The following PPFIA2 variants were observed in gnomAD, a reference collection of about 807,000 sequenced individuals.
PPFIA2 encodes liprin-alpha-2.
PPFIA2 carries 46 observed loss-of-function variants against 175.5 expected under a neutral mutation model. That is an observed-to-expected ratio of 0.26 (90% CI 0.21 to 0.34). The LOEUF is 0.34. Ranked by LOEUF, PPFIA2 falls within the 10% of genes least tolerant of loss-of-function variation. The pLI is 1.00. For synonymous variants in PPFIA2, 568 were observed against 511.4 expected (o/e 1.11, Z -1.49); for missense variants, 1,179 against 1,506.1 (o/e 0.78, Z 3.60).
chr12:81,457,163 T>C (rs2053718255), intron 5 of PPFIA2, among the ~76,000 whole-genome samples: 1 of 152,018 alleles, frequency 6.6e-6, no homozygotes, highest in African/African-American at 2.4e-5. Context: ...TTTGTATTTA[T>C]AGTAGAAATG....
chr12:81,592,971 T>A (rs2058841762), intron 4 of PPFIA2, among the ~76,000 whole-genome samples: 1 of 151,980 alleles, frequency 6.6e-6, no homozygotes, highest in South Asian at 2.1e-4. Flanking sequence ...TTGCCTAAGC[T>A]GGTCTTGAAC....
intron 4 of PPFIA2, among the ~76,000 whole-genome samples, chr12:81,566,236 C>T (rs899220741): frequency 4.6e-5 from 7 of 151,938 alleles, no homozygotes; most frequent in African/African-American, 1.4e-4. Context: ...AGTACATGTA[C>T]GTTTTGGCCG....
intron 9 of PPFIA2, 46 bp from the exon 10 acceptor site, chr12:81,375,988 G>T: frequency 6.6e-7 from 1 of 1,512,820 alleles, no homozygotes; most frequent in Non-Finnish European, 9.1e-7. Flanking sequence ...TTCTCAGATT[G>T]TTTAATTATT....
intron 3 of PPFIA2, among the ~76,000 whole-genome samples, chr12:81,716,433 C>T (rs1012494850): frequency 6.6e-6 from 1 of 151,568 alleles, no homozygotes; most frequent in African/African-American, 2.4e-5. Flanking sequence ...AATTGCCAAA[C>T]AGTCCATAAA....
intron 4 of PPFIA2, among the ~76,000 whole-genome samples, chr12:81,628,367 T>G (rs932187751): frequency 1.4e-5 from 2 of 146,662 alleles, no homozygotes; most frequent in African/African-American, 4.9e-5. Flanking sequence ...ACAATCCACT[T>G]TCTTTTACCT....
Position 81,305,582 on chromosome 12 carries a change from C to T in PPFIA2, c.2643-6200G>A, listed in dbSNP as rs746397504. On this transcript the variant is annotated intron_variant, in intron 22 of 32. Coordinates refer to ENST00000549396, the MANE Select transcript of PPFIA2 (RefSeq NM_003625.5). Reference sequence around the variant, plus strand: ...ACCTCTTCTGTTCTACTGACTTTCTCTCCATTTGGAATGGCCTTTCCTCAA... The same window carrying T: ...ACCTCTTCTGTTCTACTGACTTTCTTTCCATTTGGAATGGCCTTTCCTCAA... 2.6e-5 allele frequency among the ~76,000 whole-genome samples: 4 copies of T among 152,290 alleles called. No individual in the cohort carries two copies. In the South Asian group the frequency reaches 8.3e-4, roughly 32 times the overall value.
At chr12:81,548,505 A>G (rs955251498) in intron 4 of PPFIA2, among the ~76,000 whole-genome samples, 1 of 152,090 alleles carries the variant, frequency 6.6e-6, no homozygotes, top group Non-Finnish European at 1.5e-5. Context: ...TTTCCTTTAT[A>G]TGTTTTTCTA....
At chr12:81,489,044 A>G (rs1230726155) in intron 4 of PPFIA2, among the ~76,000 whole-genome samples, 1 of 151,858 alleles carries the variant, frequency 6.6e-6, no homozygotes, top group Non-Finnish European at 1.5e-5. Flanking sequence ...CTTTTCTTGG[A>G]CCAGATATAC....
intron 24 of PPFIA2, among the ~76,000 whole-genome samples, chr12:81,287,889 T>C (rs887231779): frequency 4.0e-5 from 6 of 151,856 alleles, no homozygotes; most frequent in Admixed American, 3.9e-4. Flanking sequence ...AAGAAACAAA[T>C]ATTGTATAAC....
At chr12:81,286,946 T>A (rs934600533) in intron 24 of PPFIA2, among the ~76,000 whole-genome samples, 1 of 152,026 alleles carries the variant, frequency 6.6e-6, no homozygotes, top group African/African-American at 2.4e-5. Context: ...CTAACAATGA[T>A]GCTCATTATA....
At chr12:81,349,582 A>C (rs1222307016) in intron 17 of PPFIA2, among the ~76,000 whole-genome samples, 1 of 152,168 alleles carries the variant, frequency 6.6e-6, no homozygotes, top group Non-Finnish European at 1.5e-5. Flanking sequence ...AAATGTAAAA[A>C]AAAGAAGACA....
chr12:81,426,720 T>G (rs2047199934), intron 7 of PPFIA2, among the ~76,000 whole-genome samples: 1 of 152,114 alleles, frequency 6.6e-6, no homozygotes, highest in African/African-American at 2.4e-5. Flanking sequence ...ATTTGGAACT[T>G]CCACAGTTTT....
rs76961882 is a variant in PPFIA2, at chr12:81,560,401, T to C, written c.304-102535A>G. Among the ~76,000 whole-genome samples, 421 of 152,308 alleles carry C rather than the reference T, an allele frequency of 2.8e-3. 15 individuals are homozygous for C. In the East Asian group the frequency reaches 0.073, roughly 26 times the overall value. On this transcript the variant is annotated intron_variant, in intron 4 of 32. Transcript: ENST00000549396. ...GAAGGTAATCATATGTCATTAGTTT[T>C]ACATTCTTACATGACCTCACCATCT...
intron 4 of PPFIA2, chr12:81,598,366 G>A (rs1198540354): frequency 3.2e-5 from 35 of 1,095,072 alleles, no homozygotes; most frequent in Non-Finnish European, 3.7e-5. Flanking sequence ...CTGCCCATCT[G>A]TTCTCAGTGA....
intron 4 of PPFIA2, among the ~76,000 whole-genome samples, chr12:81,617,025 T>C (rs1388153044): frequency 6.6e-6 from 1 of 152,242 alleles, no homozygotes; most frequent in Non-Finnish European, 1.5e-5. Flanking sequence ...TTCTGCTTTC[T>C]AGATGAACAA....
chr12:81,362,741 T>C lies in PPFIA2; in HGVS notation c.1589A>G (p.Asp530Gly), dbSNP rs1476105313. 1.9e-6 allele frequency: 3 copies of C among 1,547,240 alleles called. No individual in the cohort carries two copies. Among genetic ancestry groups the C allele is most frequent in the Non-Finnish European group, 2.6e-6 (3 of 1,143,618 alleles). The stretch of plus-strand genomic sequence containing the variant: ...AGAGCCAGTTCTCATTTTCAATTGG[T>C]CAAGTTCAGATCTCAGCTTTTCAAT... Reference protein sequence around the residue: ...EEIEKLRSELDQLKMRTGSLI... With the variant: ...EEIEKLRSELGQLKMRTGSLI... Residue 530 changes from aspartate to glycine, a missense_variant, in exon 15 of 33, where the codon GAC (aspartate) becomes GGC (glycine). Asp to Gly is a moderately conservative substitution (Grantham distance 94, BLOSUM62 -1). This residue lies in a region of PPFIA2 where 186 missense variants were observed against 163.6 expected (regional missense o/e 1.14). Coordinates refer to ENST00000549396, the MANE Select transcript of PPFIA2 (RefSeq NM_003625.5).
chr12:81,413,098 T>G (rs574597853), intron 7 of PPFIA2, among the ~76,000 whole-genome samples: 5 of 151,892 alleles, frequency 3.3e-5, no homozygotes, highest in African/African-American at 4.8e-5. Flanking sequence ...TGCAAGTGAT[T>G]ATCACAACTG....
chr12:81,689,131 A>C (rs2074904163), intron 3 of PPFIA2, among the ~76,000 whole-genome samples: 1 of 151,564 alleles, frequency 6.6e-6, no homozygotes, highest in South Asian at 2.1e-4. Flanking sequence ...ATTTAAAAAA[A>C]AACAGCAATT....
chr12:81,717,657 C>T (rs2153625258), intron 3 of PPFIA2, among the ~76,000 whole-genome samples: 1 of 151,654 alleles, frequency 6.6e-6, no homozygotes, highest in East Asian at 2.0e-4. Flanking sequence ...TAATTGAGCA[C>T]CAATATATGC....
Sources: gnomAD v4.1 joint callset for allele counts (sites outside exome capture counted in the v4.1 genomes callset) on GRCh38, gnomAD v4.1.1 for gene constraint, gnomAD v4.1.1 regional missense constraint, MANE v1.5 for transcripts, NCBI Gene and HGNC (gene_info 2026-07-23, HGNC 2026-07-21) for gene names.